Variants in EIF4H observed in about 807,000 individuals in gnomAD.
EIF4H encodes Williams-Beuren syndrome chromosome region 1.
In EIF4H, 8 loss-of-function variants were observed where a neutral mutation model predicts 30.6. The observed-to-expected ratio is 0.26, with a 90% CI of 0.15 to 0.47. The LOEUF is 0.47. EIF4H is among the 20% of genes least tolerant of loss of function. The pLI is 0.99. For synonymous variants in EIF4H, 106 were observed against 122.7 expected (o/e 0.86, Z 0.90); for missense variants, 188 against 339.5 (o/e 0.55, Z 3.51).
chr7:74,175,909 AT>A (rs1453813583), intron 1 of EIF4H, among the ~76,000 whole-genome samples: 1 of 152,160 alleles, frequency 6.6e-6, no homozygotes, highest in Non-Finnish European at 1.5e-5. Context: ...CTGGTGTCAA[AT>A]TTTGACATTT....
chr7:74,176,057 G>T (rs917857499), intron 1 of EIF4H, among the ~76,000 whole-genome samples: 1 of 152,150 alleles, frequency 6.6e-6, no homozygotes, highest in Non-Finnish European at 1.5e-5. Context: ...AGGTAGCACT[G>T]TGCATCACTT....
At chr7:74,191,385 C>A in intron 5 of EIF4H, 1 of 463,278 alleles carries the variant, frequency 2.2e-6, no homozygotes, top group East Asian at 5.9e-5. Context: ...TGCCCACATA[C>A]TAACGTCTTT....
At chr7:74,185,479 T>G (rs1801061651) in intron 1 of EIF4H, among the ~76,000 whole-genome samples, 1 of 152,184 alleles carries the variant, frequency 6.6e-6, no homozygotes, top group Admixed American at 6.5e-5. Context: ...TGCAATTCAC[T>G]TGTAAACCTA....
At position 74,180,595 on chromosome 7, in the gene EIF4H, T is replaced by C. The variant is rs1800938241; in HGVS notation, c.59+6153T>C. Among the ~76,000 whole-genome samples, 4 of 152,336 alleles carry C rather than the reference T, an allele frequency of 2.6e-5. No homozygotes were observed. In the South Asian group the frequency reaches 8.3e-4, roughly 32 times the overall value. ...GTGAGATCAGTATAGGTCTTTGCTT[T>C]ATAAATGTGGAATATTGTGAACCAT... On this transcript the variant is annotated intron_variant, in intron 1 of 6. Transcript: ENST00000265753.
At chr7:74,184,765 GAC>G (rs528412040) in intron 1 of EIF4H, among the ~76,000 whole-genome samples, 1 of 152,048 alleles carries the variant, frequency 6.6e-6, no homozygotes, top group Non-Finnish European at 1.5e-5. Context: ...GAAGCGCAGT[GAC>G]ACAGTCTCAG....
intron 5 of EIF4H, among the ~76,000 whole-genome samples, chr7:74,193,424 A>T (rs1406769084): frequency 6.6e-6 from 1 of 152,062 alleles, no homozygotes; most frequent in African/African-American, 2.4e-5. Flanking sequence ...CAAATATGGG[A>T]TCTGTGGATA....
chr7:74,195,140 T>A, intron 6 of EIF4H, 29 bp from the exon 7 acceptor site: 1 of 1,611,894 alleles, frequency 6.2e-7, no homozygotes, highest in Non-Finnish European at 8.5e-7. Context: ...GGATCCACAC[T>A]CTGACAAACT....
In EIF4H at chr7:74,174,423, A is replaced by G; in HGVS notation, c.40A>G (p.Ser14Gly). ...FDTYDDRAYS[S>G]FGGGRGSRGS... The stretch of plus-strand genomic sequence containing the variant: ...CACCTACGACGATCGGGCCTACAGC[A>G]GCTTCGGCGGCGGCAGAGGGTGAGG... Residue 14 changes from serine to glycine, a missense_variant, in exon 1 of 7, where the codon AGC becomes GGC. Coordinates refer to ENST00000265753, the MANE Select transcript of EIF4H (RefSeq NM_022170.2). 1 of 1,448,670 alleles carries G rather than the reference A, an allele frequency of 6.9e-7. No individual in the cohort carries two copies. Among genetic ancestry groups the G allele is most frequent in the Non-Finnish European group, 9.2e-7 (1 of 1,086,180 alleles). The allele number at this position is 1,448,670 out of a possible 1,614,324, so 89.7% of individuals were successfully genotyped here. A position where few individuals can be genotyped will look rare whatever the true frequency, so the allele number is the denominator to read the frequency against.
At chr7:74,179,029 T>C (rs1434479653) in intron 1 of EIF4H, among the ~76,000 whole-genome samples, 1 of 152,040 alleles carries the variant, frequency 6.6e-6, no homozygotes, top group Non-Finnish European at 1.5e-5. Context: ...TCATGTATAC[T>C]CACATTTTTG....
chr7:74,177,602 A>G (rs1376686000), intron 1 of EIF4H, among the ~76,000 whole-genome samples: 5 of 152,224 alleles, frequency 3.3e-5, no homozygotes, highest in African/African-American at 1.2e-4. Context: ...GCAGTGTATA[A>G]AAACTACAGC....
At chr7:74,190,438 T>A in intron 5 of EIF4H, 132 bp downstream of exon 5, 1 of 833,848 alleles carries the variant, frequency 1.2e-6, no homozygotes, top group Non-Finnish European at 1.9e-6. Context: ...TCCTGCAGGG[T>A]GCCCAGGCAT....
Position 74,194,897 on chromosome 7 carries a change from G to C in EIF4H, c.607+19G>C, listed in dbSNP as rs1554710482. 1 of 1,576,356 alleles carries C rather than the reference G, an allele frequency of 6.3e-7. No individual in the cohort carries two copies. The highest frequency in any genetic ancestry group is 1.8e-5 in the Admixed American group (1 of 57,106). ...ACAGAAGGTACGGGCTCATGTGTCA[G>C]TGGAGGGCATCTTGTCCTGATGGGA... On this transcript the variant is annotated intron_variant, in intron 6 of 6. Transcript: ENST00000265753.
intron 5 of EIF4H, among the ~76,000 whole-genome samples, chr7:74,194,153 A>G (rs1340271078): frequency 2.6e-5 from 4 of 152,216 alleles, no homozygotes; most frequent in African/African-American, 9.7e-5. Flanking sequence ...CTCTCTGCTC[A>G]TGCCCCTCTG....
intron 6 of EIF4H, 37 bp from the exon 7 acceptor site, chr7:74,195,132 A>G (rs184165828): frequency 6.2e-7 from 1 of 1,610,832 alleles, no homozygotes; most frequent in South Asian, 1.1e-5. Context: ...ATGGAATGGG[A>G]TCCACACTCT....
chr7:74,186,258 C>G (rs1326767875), intron 1 of EIF4H, among the ~76,000 whole-genome samples: 6 of 149,420 alleles, frequency 4.0e-5, no homozygotes, highest in African/African-American at 1.5e-4. Flanking sequence ...GACTCTCGCT[C>G]TGTCGCCCAG....
intron 1 of EIF4H, among the ~76,000 whole-genome samples, chr7:74,185,045 C>T (rs192537067): frequency 1.4e-3 from 215 of 152,178 alleles, no homozygotes; most frequent in Non-Finnish European, 9.1e-4. Context: ...GGCTGGAGTG[C>T]AGTGGTGCCA....
At chr7:74,193,887 G>A (rs782131978) in intron 5 of EIF4H, among the ~76,000 whole-genome samples, 8 of 152,246 alleles carry the variant, frequency 5.3e-5, no homozygotes, top group Admixed American at 2.0e-4. Flanking sequence ...GATTACAGGC[G>A]TGAACCAGTC....
chr7:74,193,757 C>G (rs548224519), intron 5 of EIF4H, among the ~76,000 whole-genome samples: 1 of 152,054 alleles, frequency 6.6e-6, no homozygotes, highest in East Asian at 1.9e-4. Context: ...GAACCCCAGG[C>G]GTGCGCCACC....
chr7:74,182,401 C>T (rs558381048), intron 1 of EIF4H, among the ~76,000 whole-genome samples: 6 of 152,322 alleles, frequency 3.9e-5, no homozygotes, highest in South Asian at 2.1e-4. Context: ...GTGTTCCCCA[C>T]GCTGGTCTCA....
Sources: allele counts gnomAD v4.1 joint callset (sites outside exome capture counted in the v4.1 genomes callset), GRCh38; gene constraint gnomAD v4.1.1; transcripts MANE v1.5; gene names NCBI Gene and HGNC (gene_info 2026-07-23, HGNC 2026-07-21).